Variants in LINGO2 observed in about 807,000 individuals in gnomAD.
LINGO2 encodes leucine rich repeat and Ig domain containing 2.
Under a neutral mutation model 30.6 loss-of-function variants are expected in LINGO2, and 14 were observed. That is an observed-to-expected ratio of 0.46 (90% confidence interval 0.30 to 0.72). The LOEUF is 0.72. Among genes scored for constraint, LINGO2 ranks in the 30% least tolerant of loss-of-function variants. LINGO2 has a pLI of 0.07. For synonymous variants in LINGO2, 317 were observed against 288.5 expected (o/e 1.10, Z -1.00); for missense variants, 729 against 751.7 (o/e 0.97, Z 0.35).
At chr9:28,682,075 G>A in the LINGO2 span, among the ~76,000 whole-genome samples, 2 of 152,126 alleles carry the variant, frequency 1.3e-5, no homozygotes, top group Admixed American at 1.3e-4. Flanking sequence ...TTCACCCTTA[G>A]AGTTGCCAAT....
intron 4 of LINGO2, among the ~76,000 whole-genome samples, chr9:28,241,184 G>C (rs1821772103): frequency 7.0e-6 from 1 of 142,370 alleles, no homozygotes; most frequent in African/African-American, 2.6e-5. Context: ...CAGGAGAATT[G>C]CTTGAACCCG....
At chr9:28,088,985 T>G (rs918795954) in intron 4 of LINGO2, among the ~76,000 whole-genome samples, 2 of 151,974 alleles carry the variant, frequency 1.3e-5, no homozygotes, top group African/African-American at 4.8e-5. Flanking sequence ...TACATAATGG[T>G]AAAGGGATCA....
chr9:28,975,844 G>T, the LINGO2 span, among the ~76,000 whole-genome samples: 1 of 152,234 alleles, frequency 6.6e-6, no homozygotes, highest in East Asian at 1.9e-4. Context: ...ATAATTCATG[G>T]TTAGCAACAG....
chr9:28,767,894 C>A, the LINGO2 span, among the ~76,000 whole-genome samples: 1 of 151,678 alleles, frequency 6.6e-6, no homozygotes, highest in Non-Finnish European at 1.5e-5. Context: ...AGAAGAGAGG[C>A]CATTTAATTT....
chr9:29,070,096 T>C, the LINGO2 span, among the ~76,000 whole-genome samples: 5 of 135,574 alleles, frequency 3.7e-5, no homozygotes, highest in East Asian at 2.1e-4. Flanking sequence ...TACACATACA[T>C]ATATTCACAC....
intron 1 of LINGO2, among the ~76,000 whole-genome samples, chr9:28,638,367 T>G (rs545352499): frequency 6.6e-4 from 101 of 152,314 alleles, no homozygotes; most frequent in African/African-American, 2.2e-3. Context: ...TATTTTTATA[T>G]TGATTGGAAT....
intron 4 of LINGO2, among the ~76,000 whole-genome samples, chr9:28,082,806 G>A (rs994066533): frequency 2.0e-5 from 3 of 151,998 alleles, no homozygotes; most frequent in African/African-American, 7.3e-5. Flanking sequence ...TTTCCCCTCT[G>A]TCTGGATTGT....
the LINGO2 span, among the ~76,000 whole-genome samples, chr9:28,845,348 T>G: frequency 6.6e-5 from 10 of 151,892 alleles, no homozygotes; most frequent in Non-Finnish European, 1.0e-4. Context: ...AATAGTAAAT[T>G]CTCTAGCATC....
intron 4 of LINGO2, among the ~76,000 whole-genome samples, chr9:28,213,972 A>G (rs1820680840): frequency 6.6e-6 from 1 of 151,558 alleles, no homozygotes; most frequent in South Asian, 2.1e-4. Flanking sequence ...TTAGACATAC[A>G]TCTTAAATGT....
chr9:28,264,921 T>C (rs1822692947), intron 4 of LINGO2, among the ~76,000 whole-genome samples: 1 of 151,886 alleles, frequency 6.6e-6, no homozygotes, highest in South Asian at 2.1e-4. Flanking sequence ...CTGAAGGCCT[T>C]AAGAGCAAAA....
intron 4 of LINGO2, among the ~76,000 whole-genome samples, chr9:28,225,100 T>C (rs1262755501): frequency 6.6e-6 from 1 of 152,134 alleles, no homozygotes; most frequent in African/African-American, 2.4e-5. Context: ...TTTCTCACCA[T>C]ATAGAAAAGT....
chr9:28,421,956 C>T (rs1369766284), intron 2 of LINGO2, among the ~76,000 whole-genome samples: 17 of 152,086 alleles, frequency 1.1e-4, no homozygotes, highest in Non-Finnish European at 4.4e-5. Flanking sequence ...TATCCACATG[C>T]AACAGAATGA....
the LINGO2 span, among the ~76,000 whole-genome samples, chr9:29,031,322 G>T: frequency 6.6e-6 from 1 of 151,586 alleles, no homozygotes; most frequent in Non-Finnish European, 1.5e-5. Context: ...TCTCTCTGTC[G>T]CCCAGGCTGC....
At chr9:28,091,542 A>G (rs1309175910) in intron 4 of LINGO2, among the ~76,000 whole-genome samples, 5 of 152,234 alleles carry the variant, frequency 3.3e-5, no homozygotes, top group Admixed American at 3.3e-4. Flanking sequence ...CCTTATACAA[A>G]AATTAATTCA....
the LINGO2 span, among the ~76,000 whole-genome samples, chr9:28,791,437 G>A: frequency 6.6e-6 from 1 of 151,898 alleles, no homozygotes; most frequent in African/African-American, 2.4e-5. Context: ...AATCACCTAG[G>A]TCAAACAATT....
intron 4 of LINGO2, among the ~76,000 whole-genome samples, chr9:28,260,863 G>A (rs1822540641): frequency 6.6e-6 from 1 of 151,854 alleles, no homozygotes; most frequent in Admixed American, 6.6e-5. Context: ...AAATCAACTG[G>A]ATATTCAGTG....
chr9:28,205,054 G>A (rs148660681), intron 4 of LINGO2, among the ~76,000 whole-genome samples: 7 of 151,194 alleles, frequency 4.6e-5, no homozygotes, highest in African/African-American at 1.7e-4. Context: ...AGAAATATGT[G>A]TTGAGTCCCA....
At chr9:28,929,681 A>G in the LINGO2 span, among the ~76,000 whole-genome samples, 21 of 152,266 alleles carry the variant, frequency 1.4e-4, no homozygotes, top group South Asian at 4.2e-3. Flanking sequence ...GCACACATAA[A>G]TCCTAAGTAT....
chr9:27,998,141 T>C (rs950632643), intron 5 of LINGO2, among the ~76,000 whole-genome samples: 6 of 151,762 alleles, frequency 4.0e-5, no homozygotes, highest in African/African-American at 1.5e-4. Flanking sequence ...CTCTTGCTAC[T>C]TGAATCTGAG....
Sources: allele counts gnomAD v4.1 joint callset (sites outside exome capture counted in the v4.1 genomes callset), GRCh38; gene constraint gnomAD v4.1.1; transcripts MANE v1.5; gene names NCBI Gene and HGNC (gene_info 2026-07-23, HGNC 2026-07-21).